The following DGKH variants were observed in gnomAD, a reference collection of about 807,000 sequenced individuals.
DGKH encodes the protein DAG kinase eta.
In DGKH, 90 loss-of-function variants were observed where a neutral mutation model predicts 159.3. The observed-to-expected ratio is 0.57, with a 90% confidence interval of 0.48 to 0.67. The LOEUF is 0.67. DGKH is among the 30% of genes least tolerant of loss of function. DGKH has a pLI of 0.00. For synonymous variants in DGKH, 536 were observed against 553.8 expected, an observed-to-expected ratio of 0.97 and a Z score of 0.45; for missense variants, 1,181 against 1,506.1, an observed-to-expected ratio of 0.78 and a Z score of 3.57.
chr13:42,222,855 A>G (rs1392542246), intron 29 of DGKH, among the ~76,000 whole-genome samples: 1 of 152,192 alleles, frequency 6.6e-6, no homozygotes, highest in Non-Finnish European at 1.5e-5. Flanking sequence ...ACATAGATAT[A>G]TACAGGTACA....
chr13:42,042,420 T>C (rs1414256441), intron 1 of DGKH, among the ~76,000 whole-genome samples: 2 of 152,206 alleles, frequency 1.3e-5, no homozygotes, highest in African/African-American at 2.4e-5. Flanking sequence ...AGTAAAATGC[T>C]CATTTATTTT....
At chr13:42,114,329 C>T (rs1954924555) in intron 1 of DGKH, among the ~76,000 whole-genome samples, 1 of 152,214 alleles carries the variant, frequency 6.6e-6, no homozygotes, top group African/African-American at 2.4e-5. Flanking sequence ...TGAAGAGCTC[C>T]TAAAGATAGG....
chr13:42,097,662 G>A (rs563307525), intron 1 of DGKH, among the ~76,000 whole-genome samples: 1 of 152,138 alleles, frequency 6.6e-6, no homozygotes, highest in Non-Finnish European at 1.5e-5. Context: ...CTTGCCCTCA[G>A]TTATTTTTGG....
At chr13:42,053,386 CTATA>C (rs1253966239) in intron 1 of DGKH, among the ~76,000 whole-genome samples, 13 of 146,786 alleles carry the variant, frequency 8.9e-5, no homozygotes, top group African/African-American at 3.0e-4. Context: ...CTATATATAA[CTATA>C]TATGTAACTG....
chr13:42,185,048 A>G (rs1276502805), intron 13 of DGKH, among the ~76,000 whole-genome samples: 1 of 152,122 alleles, frequency 6.6e-6, no homozygotes, highest in African/African-American at 2.4e-5. Flanking sequence ...TAGTTGGAGA[A>G]TATCTTTTGT....
intron 3 of DGKH, among the ~76,000 whole-genome samples, chr13:42,148,385 G>A (rs1955790943): frequency 6.6e-6 from 1 of 152,140 alleles, no homozygotes; most frequent in Non-Finnish European, 1.5e-5. Context: ...TCCTCACAAT[G>A]AGTTAGCAAG....
Position 42,198,505 on chromosome 13 carries a change from T to C in DGKH, c.2195T>C (p.Ile732Thr). The change falls in exon 18 of 30, where the codon ATT (isoleucine) becomes ACT (threonine). Residue 732 changes from isoleucine to threonine, a missense_variant. By Grantham distance (89) the Ile-to-Thr change is moderately conservative (BLOSUM62 -1). Coordinates refer to ENST00000337343, the MANE Select transcript of DGKH (RefSeq NM_178009.5). ...TTAAGAGCAGGACTGGCTGCCTCAA[T>C]TGCTGGGAGTTCGATTATCAACAAA... is the stretch of plus-strand genomic sequence containing the variant. ...PGLRAGLAAS[I>T]AGSSIINKML... 1.9e-6 allele frequency: 3 copies of C among 1,613,868 alleles called. No individual in the cohort carries two copies. Among genetic ancestry groups the C allele is most frequent in the East Asian group, 2.2e-5 (1 of 44,878 alleles).
intron 24 of DGKH, among the ~76,000 whole-genome samples, chr13:42,213,127 G>A (rs116024843): frequency 2.9e-4 from 44 of 152,220 alleles, no homozygotes; most frequent in Middle Eastern, 3.4e-3. Context: ...TTTTCTGGAC[G>A]ACAGCAAAGC....
At chr13:42,219,050 GA>G (rs1462742605) in intron 26 of DGKH, among the ~76,000 whole-genome samples, 179 bp from the exon 27 acceptor site, 1 of 152,114 alleles carries the variant, frequency 6.6e-6, no homozygotes, top group African/African-American at 2.4e-5. Context: ...AATCTATTCA[GA>G]TTTTTTAAAA....
Position 42,236,041 on chromosome 13 carries a change from T to A in DGKH, c.*6853T>A, listed in dbSNP as rs1038407266. 8 of 152,200 alleles carry A rather than the reference T, an allele frequency of 5.3e-5. No homozygotes were observed. Among genetic ancestry groups the A allele is most frequent in the Non-Finnish European group, 1.0e-4 (7 of 68,018 alleles). The allele number at this position is 152,200 out of a possible 1,614,324, so 9.4% of individuals were successfully genotyped here. A position where few individuals can be genotyped will look rare whatever the true frequency, so the allele number is the denominator to read the frequency against. On this transcript the variant is annotated 3_prime_UTR_variant, in exon 30 of 30. Coordinates refer to ENST00000337343, the MANE Select transcript of DGKH (RefSeq NM_178009.5). The stretch of plus-strand genomic sequence containing the variant: ...ATATTTAATAACAAATATAAAAGCT[T>A]TGTATATTTTGTGGCATTAGGGGCA...
chr13:42,127,510 A>T lies in DGKH; in HGVS notation c.240A>T (p.Gln80His). 6.2e-7 allele frequency: 1 copy of T among 1,613,804 alleles called. No individual in the cohort carries two copies. Among genetic ancestry groups the T allele is most frequent in the Non-Finnish European group, 8.5e-7 (1 of 1,179,820 alleles). ...TATTGAAGCAAACCAGTTCTTTCCA[A>T]AGGTGGAAAAAGCGATACTTCAAAC... ...GQLLKQTSSF[Q>H]RWKKRYFKLR... The change falls in exon 2 of 30, where the codon CAA becomes CAT. Residue 80 changes from glutamine to histidine, a missense_variant. Physicochemically the swap from Gln to His is conservative, Grantham distance 24. Around this residue, in one of 5 missense-constraint regions of DGKH, gnomAD observed 136 missense variants for 132.2 expected, o/e 1.03. Coordinates refer to ENST00000337343, the MANE Select transcript of DGKH (RefSeq NM_178009.5).
In DGKH at chr13:42,198,507, G is replaced by A. The variant is rs768225908; in HGVS notation, c.2197G>A (p.Ala733Thr). ...GLRAGLAASI[A>T]GSSIINKMLL... is the part of the protein sequence containing the mutation. ...AAGAGCAGGACTGGCTGCCTCAATTGCTGGGAGTTCGATTATCAACAAAAT... is the reference window on the plus strand; with the variant it reads ...AAGAGCAGGACTGGCTGCCTCAATTACTGGGAGTTCGATTATCAACAAAAT... The change falls in exon 18 of 30, where the codon GCT becomes ACT. Residue 733 changes from alanine to threonine, a missense_variant. Ala to Thr is a moderately conservative substitution (Grantham distance 58). Coordinates refer to ENST00000337343, the MANE Select transcript of DGKH (RefSeq NM_178009.5). 6.2e-7 allele frequency: 1 copy of A among 1,613,758 alleles called. No homozygotes were observed. The highest frequency in any genetic ancestry group is 1.1e-5 in the South Asian group (1 of 91,050).
chr13:42,061,988 G>GGTGTGGGTGTGT (rs1555256129), intron 1 of DGKH, among the ~76,000 whole-genome samples: 10 of 149,678 alleles, frequency 6.7e-5, no homozygotes, highest in South Asian at 2.1e-4. Context: ...TGTGTGTGTG[G>GGTGTGGGTGTGT]GTGTGTGTGT....
chr13:42,122,811 G>T (rs1955102368), intron 1 of DGKH, among the ~76,000 whole-genome samples: 4 of 152,170 alleles, frequency 2.6e-5, no homozygotes, highest in South Asian at 2.1e-4. Context: ...GGATCAAGAA[G>T]ACATGCTCCA....
intron 3 of DGKH, among the ~76,000 whole-genome samples, chr13:42,150,048 G>GT (rs1410875295): frequency 6.6e-6 from 1 of 152,080 alleles, no homozygotes; most frequent in Non-Finnish European, 1.5e-5. Context: ...ACTTTAGTCT[G>GT]TTCTTAGAGT....
chr13:42,217,301 G>A (rs182685766), intron 26 of DGKH, among the ~76,000 whole-genome samples: 5 of 152,202 alleles, frequency 3.3e-5, no homozygotes, highest in African/African-American at 4.8e-5. Flanking sequence ...TCGCAGTAGC[G>A]TGATCTCTGC....
chr13:42,162,558 C>A (rs1182609777), intron 7 of DGKH, among the ~76,000 whole-genome samples: 1 of 152,068 alleles, frequency 6.6e-6, no homozygotes, highest in Non-Finnish European at 1.5e-5. Flanking sequence ...AATTCCAGCA[C>A]TTTGGGAGGC....
chr13:42,228,850 G>T (rs1325056587), intron 29 of DGKH, among the ~76,000 whole-genome samples: 1 of 151,974 alleles, frequency 6.6e-6, no homozygotes, highest in African/African-American at 2.4e-5. Flanking sequence ...TACCAGTTGG[G>T]AATTCTTTGG....
At chr13:42,158,273 A>G (rs980807187) in intron 5 of DGKH, among the ~76,000 whole-genome samples, 1 of 152,244 alleles carries the variant, frequency 6.6e-6, no homozygotes, top group African/African-American at 2.4e-5. Context: ...AAATCCAGAA[A>G]AATCACATGA....
Sources: gnomAD v4.1 joint callset for allele counts (sites outside exome capture counted in the v4.1 genomes callset) on GRCh38, gnomAD v4.1.1 for gene constraint, gnomAD v4.1.1 regional missense constraint, MANE v1.5 for transcripts, NCBI Gene and HGNC (gene_info 2026-07-23, HGNC 2026-07-21) for gene names.